The following CDIN1 variants were observed in gnomAD, a reference collection of about 807,000 sequenced individuals.
The protein encoded by CDIN1 is CDAN1 interacting nuclease 1.
Under a neutral mutation model 45.3 loss-of-function variants are expected in CDIN1, and 33 were observed. That is an observed-to-expected ratio of 0.73 (90% CI 0.55 to 0.97). The LOEUF is 0.97. Among genes scored for constraint, CDIN1 ranks in the 50% least tolerant of loss-of-function variants. The pLI is 0.00. For missense variants in CDIN1, 303 were observed against 339.4 expected, an observed-to-expected ratio of 0.89 and a Z score of 0.84; for synonymous variants, 118 against 124.4, an observed-to-expected ratio of 0.95 and a Z score of 0.34.
chr15:36,723,478 A>C (rs2043510051), intron 10 of CDIN1, among the ~76,000 whole-genome samples: 1 of 152,120 alleles, frequency 6.6e-6, no homozygotes, highest in African/African-American at 2.4e-5. Flanking sequence ...GCCATATTGA[A>C]CTCAACACTA....
intron 1 of CDIN1, among the ~76,000 whole-genome samples, chr15:36,637,910 A>G (rs969525528): frequency 1.3e-5 from 2 of 152,172 alleles, no homozygotes; most frequent in African/African-American, 4.8e-5. Flanking sequence ...GGGTGGTAAA[A>G]CTATCAAGAA....
chr15:36,742,491 A>G (rs2044273820), intron 10 of CDIN1, among the ~76,000 whole-genome samples: 1 of 152,224 alleles, frequency 6.6e-6, no homozygotes, highest in South Asian at 2.1e-4. Flanking sequence ...CAAAAATCAA[A>G]CAGAATCTCA....
At chr15:36,761,223 A>G (rs2053754014) in intron 10 of CDIN1, among the ~76,000 whole-genome samples, 1 of 152,092 alleles carries the variant, frequency 6.6e-6, no homozygotes, top group Non-Finnish European at 1.5e-5. Flanking sequence ...GACACTAGAT[A>G]TTTCAGATTA....
At chr15:36,700,841 G>A (rs567274904) in intron 8 of CDIN1, among the ~76,000 whole-genome samples, 2 of 152,072 alleles carry the variant, frequency 1.3e-5, no homozygotes, top group South Asian at 4.2e-4. Flanking sequence ...TTGGGAGGCT[G>A]AGGCAGGAGG....
At chr15:36,656,262 G>C (rs1205905623) in intron 4 of CDIN1, among the ~76,000 whole-genome samples, 3 of 152,070 alleles carry the variant, frequency 2.0e-5, no homozygotes, top group African/African-American at 7.2e-5. Flanking sequence ...TATTTAATCA[G>C]GGGAAACTAT....
chr15:36,773,349 ACTGT>A (rs2054128997), intron 10 of CDIN1, among the ~76,000 whole-genome samples: 1 of 152,256 alleles, frequency 6.6e-6, no homozygotes, highest in African/African-American at 2.4e-5. Flanking sequence ...TTATATCTGT[ACTGT>A]CTAATACCAT....
At chr15:36,711,436 T>A (rs1040202778) in intron 10 of CDIN1, among the ~76,000 whole-genome samples, 1 of 152,172 alleles carries the variant, frequency 6.6e-6, no homozygotes, top group African/African-American at 2.4e-5. Context: ...GAATACCTAC[T>A]GTGTACTTAA....
intron 10 of CDIN1, among the ~76,000 whole-genome samples, chr15:36,771,797 T>C (rs1024377240): frequency 6.6e-6 from 1 of 151,728 alleles, no homozygotes; most frequent in African/African-American, 2.4e-5. Flanking sequence ...GGCACGGTGG[T>C]GGGTGCCTGT....
chr15:36,787,413 C>T (rs1027139536), intron 10 of CDIN1, among the ~76,000 whole-genome samples: 2 of 152,234 alleles, frequency 1.3e-5, no homozygotes, highest in African/African-American at 2.4e-5. Flanking sequence ...TTAACCCACA[C>T]TTTCATTTGC....
At chr15:36,774,163 T>TGTGTGTGCGCGCGC (rs149222188) in intron 10 of CDIN1, among the ~76,000 whole-genome samples, 12 of 143,152 alleles carry the variant, frequency 8.4e-5, no homozygotes, top group African/African-American at 3.2e-4. Context: ...TGTGTGTGTG[T>TGTGTGTGCGCGCGC]GCGCGCGCGC....
intron 8 of CDIN1, chr15:36,704,438 A>G (rs2042789099): frequency 6.6e-6 from 1 of 152,140 alleles, no homozygotes; most frequent in African/African-American, 2.4e-5. Context: ...TTTGCATAAC[A>G]TATAATATTT....
At chr15:36,704,515 A>C (rs577091138) in intron 8 of CDIN1, 2 of 152,116 alleles carry the variant, frequency 1.3e-5, no homozygotes, top group Non-Finnish European at 2.9e-5. Flanking sequence ...CTTAGAGAAC[A>C]TAAAAATATA....
At chr15:36,731,306 A>AT (rs957814985) in intron 10 of CDIN1, among the ~76,000 whole-genome samples, 1 of 152,132 alleles carries the variant, frequency 6.6e-6, no homozygotes, top group African/African-American at 2.4e-5. Flanking sequence ...AATTGTCAAA[A>AT]TAGGTACTTA....
intron 10 of CDIN1, among the ~76,000 whole-genome samples, chr15:36,762,638 C>T (rs946372300): frequency 5.9e-5 from 9 of 151,454 alleles, no homozygotes; most frequent in Non-Finnish European, 8.8e-5. Flanking sequence ...TGCTATCCCT[C>T]CCCACTCCCA....
At chr15:36,619,469 T>TTTTA (rs1555384693) in intron 1 of CDIN1, among the ~76,000 whole-genome samples, 2 of 147,054 alleles carry the variant, frequency 1.4e-5, no homozygotes, top group Admixed American at 6.8e-5. Context: ...GCTGGAGGAT[T>TTTTA]TCTATCTATC....
At chr15:36,643,325 C>T (rs1426563024) in intron 1 of CDIN1, among the ~76,000 whole-genome samples, 1 of 151,928 alleles carries the variant, frequency 6.6e-6, no homozygotes, top group Non-Finnish European at 1.5e-5. Context: ...ATTTCACATT[C>T]CCCAAATTAC....
intron 1 of CDIN1, among the ~76,000 whole-genome samples, chr15:36,623,296 CT>C (rs948912144): frequency 3.3e-5 from 5 of 152,092 alleles, no homozygotes; most frequent in African/African-American, 7.2e-5. Flanking sequence ...CAAATCCATA[CT>C]TTTTTTTAAA....
At chr15:36,775,823 AT>A (rs1472344567) in intron 10 of CDIN1, among the ~76,000 whole-genome samples, 4 of 151,960 alleles carry the variant, frequency 2.6e-5, no homozygotes, top group African/African-American at 9.7e-5. Context: ...CATTATGTTC[AT>A]TTTTTTCCTT....
intron 1 of CDIN1, among the ~76,000 whole-genome samples, chr15:36,587,839 A>G (rs910632418): frequency 6.6e-6 from 1 of 152,200 alleles, no homozygotes; most frequent in African/African-American, 2.4e-5. Flanking sequence ...GAAGCAGGAT[A>G]TCAAACCCAA....
Sources: allele counts gnomAD v4.1 joint callset (sites outside exome capture counted in the v4.1 genomes callset), GRCh38; gene constraint gnomAD v4.1.1; transcripts MANE v1.5; gene names NCBI Gene and HGNC (gene_info 2026-07-23, HGNC 2026-07-21).